The following KCNQ1 variants were observed in gnomAD, a reference collection of about 807,000 sequenced individuals.
KCNQ1 encodes potassium voltage-gated channel subfamily Q member 1.
Under a neutral mutation model 72.4 loss-of-function variants are expected in KCNQ1, and 49 were observed. The ratio of observed to expected loss-of-function variants is 0.68; its 90% CI spans 0.54 to 0.86. The LOEUF is 0.86. Ranked by LOEUF, KCNQ1 falls within the 40% of genes least tolerant of loss-of-function variation. The pLI, the probability that KCNQ1 is intolerant of heterozygous loss-of-function variation, is 0.00. For synonymous variants in KCNQ1, 450 were observed against 412.6 expected, an observed-to-expected ratio of 1.09 and a Z score of -1.10; for missense variants, 790 against 945.1, an observed-to-expected ratio of 0.84 and a Z score of 2.15.
In KCNQ1 at chr11:2,445,285, C is replaced by T. The variant is rs1280717988; in HGVS notation, c.187C>T (p.Pro63Ser). Residue 63 changes from proline to serine, a missense_variant, in exon 1 of 16, where the codon CCC (proline) becomes TCC (serine). This residue lies in a region of KCNQ1 where 294 missense variants were observed against 323.3 expected (regional missense o/e 0.91). Transcript: ENST00000155840. ...PIAPGAPGPAPPASPAAPAAP... is the reference protein window; with the variant it reads ...PIAPGAPGPASPASPAAPAAP... ...CGCGCCCGGCGCCCCAGGTCCCGCG[C>T]CCCCTGCGTCCCCGGCCGCGCCCGC... 6 of 1,330,512 alleles carry T rather than the reference C, an allele frequency of 4.5e-6. No individual in the cohort carries two copies. The highest frequency in any genetic ancestry group is 2.7e-4 in the Middle Eastern group (1 of 3,722). 82.4% of individuals were successfully genotyped at this position (1,330,512 alleles called of 1,614,324 possible). A position where few individuals can be genotyped will look rare whatever the true frequency, so the allele number is the denominator to read the frequency against.
Position 2,463,597 on chromosome 11 carries a change from G to A in KCNQ1, c.386+18113G>A, listed in dbSNP as rs947696827. On this transcript the variant is annotated intron_variant, in intron 1 of 15. Transcript: ENST00000155840. This position sits in a 1 kb window ranked among gnomAD's most constrained non-coding sequence, Gnocchi z 7.0. ...CTGCCCTGGGCACCCTGCCTCTTCC[G>A]GGGACTGGGGCTGGGGCTGGGGCAG... is the stretch of plus-strand genomic sequence containing the variant. 3.9e-5 allele frequency among the ~76,000 whole-genome samples: 6 copies of A among 152,156 alleles called. No homozygotes were observed. The highest frequency in any genetic ancestry group is 2.1e-4 in the South Asian group (1 of 4,828).
intron 1 of KCNQ1, among the ~76,000 whole-genome samples, chr11:2,518,631 A>G (rs76017579): frequency 0.011 from 1,676 of 152,254 alleles, 22 homozygotes; most frequent in African/African-American, 0.037. Context: ...TAATCTCCAG[A>G]TGGCTCCTGG....
In KCNQ1 at chr11:2,690,583, C is replaced by T. The variant is rs1225386423; in HGVS notation, c.1514+28502C>T. On this transcript the variant is annotated intron_variant, in intron 11 of 15. Coordinates refer to ENST00000155840, the MANE Select transcript of KCNQ1 (RefSeq NM_000218.3). The surrounding 1 kb of genome is among the most constrained non-coding windows in gnomAD (Gnocchi z 5.1). ...ATGTCAAAGATGGGACAGAACCCAC[C>T]TCCTGGCAGGGAGTGGGGCACACAT... is the stretch of plus-strand genomic sequence containing the variant. The T allele has an allele frequency of 2.5e-6, 1 of 398,574 alleles. No individual in the cohort carries two copies. The highest frequency in any genetic ancestry group is 2.1e-5 in the African/African-American group (1 of 48,634). The allele number at this position is 398,574 out of a possible 1,614,324, so 24.7% of individuals were successfully genotyped here.
Position 2,617,462 on chromosome 11 carries a change from T to C in KCNQ1, c.1393+28608T>C, listed in dbSNP as rs1392007574. ...AGACATACACACCACAGTTTAGTCA[T>C]CCATCAATGGACACGTAAGTTTTCA... is the stretch of plus-strand genomic sequence containing the variant. On this transcript the variant is annotated intron_variant, in intron 10 of 15. Coordinates refer to ENST00000155840, the MANE Select transcript of KCNQ1 (RefSeq NM_000218.3). This position sits in a 1 kb window ranked among gnomAD's most constrained non-coding sequence, Gnocchi z 4.6. 7.5e-6 allele frequency: 3 copies of C among 398,340 alleles called. No individual in the cohort carries two copies. The highest frequency in any genetic ancestry group is 4.1e-5 in the African/African-American group (2 of 48,608). 24.7% of individuals were successfully genotyped at this position (398,340 alleles called of 1,614,324 possible). A position where few individuals can be genotyped will look rare whatever the true frequency, so the allele number is the denominator to read the frequency against.
intron 11 of KCNQ1, among the ~76,000 whole-genome samples, chr11:2,742,547 G>A (rs231878): frequency 0.18 from 27,399 of 152,228 alleles, 2,859 homozygotes; most frequent in Admixed American, 0.29. Context: ...CCCTTTCTCG[G>A]GGCAGTTTAC....
rs1278962998 is a variant in KCNQ1, at chr11:2,670,898, C to T, written c.1514+8817C>T. The stretch of plus-strand genomic sequence containing the variant: ...TGGGAAGCCTCCTGGATTGCCTGGA[C>T]AAGGCTGACCTGCCCTCCCAGGATG... On this transcript the variant is annotated intron_variant, in intron 11 of 15. Transcript: ENST00000155840. This position sits in a 1 kb window ranked among gnomAD's most constrained non-coding sequence, Gnocchi z 4.9. 1 of 398,512 alleles carries T rather than the reference C, an allele frequency of 2.5e-6. No homozygotes were observed. Among genetic ancestry groups the T allele is most frequent in the African/African-American group, 2.1e-5 (1 of 48,630 alleles). 24.7% of individuals were successfully genotyped at this position (398,512 alleles called of 1,614,324 possible).
At chr11:2,570,272 TG>T (rs1426620896) in intron 2 of KCNQ1, among the ~76,000 whole-genome samples, 17 of 151,296 alleles carry the variant, frequency 1.1e-4, no homozygotes, top group Non-Finnish European at 2.4e-4. Flanking sequence ...TGACCCAAGC[TG>T]GGGTTCCTGG....
At chr11:2,461,541 A>C in intron 1 of KCNQ1, 1 of 1,348,122 alleles carries the variant, frequency 7.4e-7, no homozygotes, top group Non-Finnish European at 9.8e-7. Flanking sequence ...GTAGGATGGC[A>C]CTGGTGCCGG....
At position 2,600,784 on chromosome 11, in the gene KCNQ1, G is replaced by A. The variant is rs925470900; in HGVS notation, c.1393+11930G>A. On this transcript the variant is annotated intron_variant, in intron 10 of 15. Coordinates refer to ENST00000155840, the MANE Select transcript of KCNQ1 (RefSeq NM_000218.3). The surrounding 1 kb of genome is among the most constrained non-coding windows in gnomAD (Gnocchi z 5.6). ...TCTTGTTTAATCTGGAACATTTCTA[G>A]TCTCTTTCTCTGTTATGACACTGAT... Among the ~76,000 whole-genome samples, 1 of 151,970 alleles carries A rather than the reference G, an allele frequency of 6.6e-6. No homozygotes were observed. Among genetic ancestry groups the A allele is most frequent in the African/African-American group, 2.4e-5 (1 of 41,362 alleles).
chr11:2,575,567 C>T (rs891172900), intron 6 of KCNQ1, among the ~76,000 whole-genome samples: 3 of 152,236 alleles, frequency 2.0e-5, no homozygotes, highest in Non-Finnish European at 4.4e-5. Flanking sequence ...CAACTGCGCC[C>T]TGAGCAGTTG....
Position 2,592,494 on chromosome 11 carries a change from C to T in KCNQ1, c.1393+3640C>T, listed in dbSNP as rs987490371. 1.3e-5 allele frequency among the ~76,000 whole-genome samples: 2 copies of T among 152,134 alleles called. No homozygotes were observed. The highest frequency in any genetic ancestry group is 4.8e-5 in the African/African-American group (2 of 41,446). On this transcript the variant is annotated intron_variant, in intron 10 of 15. Coordinates refer to ENST00000155840, the MANE Select transcript of KCNQ1 (RefSeq NM_000218.3). This position sits in a 1 kb window ranked among gnomAD's most constrained non-coding sequence, Gnocchi z 5.2. Reference sequence around the variant, plus strand: ...CAGGGCCCGCTGCTGCTCCCTCAACCTTCTGACCTGGGTGGGGAGGGAGGG... The same window carrying T: ...CAGGGCCCGCTGCTGCTCCCTCAACTTTCTGACCTGGGTGGGGAGGGAGGG...
intron 11 of KCNQ1, among the ~76,000 whole-genome samples, chr11:2,760,253 G>A (rs1262081742): frequency 1.3e-5 from 2 of 152,204 alleles, no homozygotes; most frequent in African/African-American, 4.8e-5. Context: ...GTGCCCAGCG[G>A]CACTTCATGT....
intron 1 of KCNQ1, among the ~76,000 whole-genome samples, chr11:2,519,935 T>C (rs11826873): frequency 0.19 from 29,304 of 152,038 alleles, 3,128 homozygotes; most frequent in East Asian, 0.41. Flanking sequence ...ACAGGACAGA[T>C]TCAACAAAGG....
In KCNQ1 at chr11:2,710,225, T is replaced by G. The variant is rs1850980871; in HGVS notation, c.1514+48144T>G. ...ATCTCCTAGTGGTTTTGATTTGCAT[T>G]TCCCCGATGACTAATGATGTTGAGC... On this transcript the variant is annotated intron_variant, in intron 11 of 15. Coordinates refer to ENST00000155840, the MANE Select transcript of KCNQ1 (RefSeq NM_000218.3). This position sits in a 1 kb window ranked among gnomAD's most constrained non-coding sequence, Gnocchi z 4.1. Among the ~76,000 whole-genome samples, 1 of 152,256 alleles carries G rather than the reference T, an allele frequency of 6.6e-6. No individual in the cohort carries two copies. Among genetic ancestry groups the G allele is most frequent in the Non-Finnish European group, 1.5e-5 (1 of 68,044 alleles).
At chr11:2,672,309 G>A in intron 11 of KCNQ1, 1 of 398,580 alleles carries the variant, frequency 2.5e-6, no homozygotes, top group Non-Finnish European at 4.4e-6. Context: ...CTCCAGGTGG[G>A]AGCTCAAGGG....
Position 2,725,841 on chromosome 11 carries a change from G to C in KCNQ1, c.1515-43003G>C, listed in dbSNP as rs946090705. Among the ~76,000 whole-genome samples the C allele has an allele frequency of 4.6e-5, 7 of 151,214 alleles. No individual in the cohort carries two copies. Among genetic ancestry groups the C allele is most frequent in the Admixed American group, 4.6e-4 (7 of 15,144 alleles). On this transcript the variant is annotated intron_variant, in intron 11 of 15. Transcript: ENST00000155840. The surrounding 1 kb of genome is among the most constrained non-coding windows in gnomAD (Gnocchi z 7.2). ...TGGTTAATCATCCTGGGCTCTGAGA[G>C]CTCCCTGGGGCCCCACAGGCCAAGC...
chr11:2,791,826 G>T (rs1847031284), intron 15 of KCNQ1, among the ~76,000 whole-genome samples: 1 of 152,190 alleles, frequency 6.6e-6, no homozygotes, highest in African/African-American at 2.4e-5. Context: ...TTCCTGCCCT[G>T]GCTCCGAGCC....
rs1848372708 is a variant in KCNQ1, at chr11:2,848,037, A to G, written c.*34A>G. The stretch of plus-strand genomic sequence containing the variant: ...TGGGGCTGGGGGATGGGCCTGAGTG[A>G]GAGGGGAGGCCAAGAGTGGCCCCAC... On this transcript the variant is annotated 3_prime_UTR_variant, in exon 16 of 16. Coordinates refer to ENST00000155840, the MANE Select transcript of KCNQ1 (RefSeq NM_000218.3). The G allele has an allele frequency of 2.0e-6, 3 of 1,513,598 alleles. No individual in the cohort carries two copies. Among genetic ancestry groups the G allele is most frequent in the Non-Finnish European group, 2.7e-6 (3 of 1,122,008 alleles). The allele number at this position is 1,513,598 out of a possible 1,614,324, so 93.8% of individuals were successfully genotyped here. A position where few individuals can be genotyped will look rare whatever the true frequency, so the allele number is the denominator to read the frequency against.
At chr11:2,465,198 C>T (rs974767373) in intron 1 of KCNQ1, among the ~76,000 whole-genome samples, 4 of 152,230 alleles carry the variant, frequency 2.6e-5, no homozygotes, top group Middle Eastern at 3.4e-3. Context: ...CTCACTCTGT[C>T]GCCTAGGTTA....
Sources: allele counts gnomAD v4.1 joint callset (sites outside exome capture counted in the v4.1 genomes callset), GRCh38; gene constraint gnomAD v4.1.1; regional missense constraint gnomAD v4.1.1; non-coding constraint Gnocchi (gnomAD v3.1); transcripts MANE v1.5; gene names NCBI Gene and HGNC (gene_info 2026-07-23, HGNC 2026-07-21).